MYO9B: variants seen among roughly 807,000 people sequenced by gnomAD.
MYO9B encodes the protein myosin IXB.
In MYO9B, 71 loss-of-function variants were observed where a neutral mutation model predicts 229.5. That is an observed-to-expected ratio of 0.31 (90% CI 0.26 to 0.38). The LOEUF (loss-of-function observed/expected upper bound fraction) is 0.38. Among genes scored for constraint, MYO9B ranks in the 10% least tolerant of loss-of-function variants. The pLI is 1.00. For missense variants in MYO9B, 2,255 were observed against 2,920.5 expected, an observed-to-expected ratio of 0.77 and a Z score of 5.25; for synonymous variants, 1,185 against 1,235.8, an observed-to-expected ratio of 0.96 and a Z score of 0.86.
intron 1 of MYO9B, among the ~76,000 whole-genome samples, chr19:17,093,601 A>C (rs1003800674): frequency 1.3e-5 from 2 of 151,414 alleles, no homozygotes; most frequent in Non-Finnish European, 2.9e-5. Flanking sequence ...GAACTTTTGA[A>C]TACAGAGTAA....
At chr19:17,141,406 C>T (rs1599363921) in intron 2 of MYO9B, among the ~76,000 whole-genome samples, 1 of 152,180 alleles carries the variant, frequency 6.6e-6, no homozygotes, top group Admixed American at 6.5e-5. Context: ...GCAGGGCGTG[C>T]CCCCTGCCCC....
chr19:17,078,546 T>A (rs1271979679), intron 1 of MYO9B, among the ~76,000 whole-genome samples: 2 of 151,326 alleles, frequency 1.3e-5, no homozygotes, highest in Non-Finnish European at 2.9e-5. Context: ...TCAAAAATAA[T>A]AATAATTAAA....
At chr19:17,190,975 A>G in intron 19 of MYO9B, 122 bp from the exon 20 acceptor site, 1 of 1,072,668 alleles carries the variant, frequency 9.3e-7, no homozygotes, top group Non-Finnish European at 1.3e-6. Flanking sequence ...GAAATTTTAG[A>G]TTTGTCATTA....
At chr19:17,126,887 C>T (rs1045927682) in intron 2 of MYO9B, among the ~76,000 whole-genome samples, 20 of 145,732 alleles carry the variant, frequency 1.4e-4, no homozygotes, top group Admixed American at 4.1e-4. Flanking sequence ...TGGTCTCGAA[C>T]TCCTGACCTT....
chr19:17,078,408 T>C (rs2057505593), intron 1 of MYO9B, among the ~76,000 whole-genome samples: 2 of 152,102 alleles, frequency 1.3e-5, no homozygotes, highest in African/African-American at 2.4e-5. Context: ...GGCGTGGTGA[T>C]GTGCGCCTGT....
intron 4 of MYO9B, chr19:17,152,912 C>G: frequency 1.7e-6 from 1 of 574,362 alleles, no homozygotes; most frequent in Non-Finnish European, 3.1e-6. Flanking sequence ...ACCTCCCAAG[C>G]CACCTTTGTG....
chr19:17,184,370 C>G (rs1293876501), intron 16 of MYO9B: 2 of 168,906 alleles, frequency 1.2e-5, no homozygotes, highest in African/African-American at 2.4e-5. Context: ...AAGAAATTTG[C>G]AAGAAGAGTA....
At position 17,172,753 on chromosome 19, in the gene MYO9B, C is replaced by CA. The variant is rs1568284505; in HGVS notation, c.1936-5dup. 2 of 1,613,276 alleles carry CA rather than the reference C, an allele frequency of 1.2e-6. No homozygotes were observed. Among genetic ancestry groups the CA allele is most frequent in the African/African-American group, 2.7e-5 (2 of 74,946 alleles). ...CGAGTGACCGCCCACATCCATCCCC[C>CA]ACCAGGACTTCCGGGAGAAGAACAT... On this transcript the variant is annotated splice_region_variant and splice_polypyrimidine_tract_variant and intron_variant, in intron 12 of 39. Coordinates refer to ENST00000682292, the MANE Select transcript of MYO9B (RefSeq NM_004145.4). The surrounding 1 kb of genome is among the most constrained non-coding windows in gnomAD (Gnocchi z 8.2).
intron 1 of MYO9B, among the ~76,000 whole-genome samples, chr19:17,090,751 C>T (rs1405040411): frequency 6.6e-6 from 1 of 152,046 alleles, no homozygotes; most frequent in Non-Finnish European, 1.5e-5. Flanking sequence ...TTTGGTGAGA[C>T]AATTCGGTTT....
chr19:17,104,633 C>T (rs1047404471), intron 2 of MYO9B, among the ~76,000 whole-genome samples: 1 of 151,784 alleles, frequency 6.6e-6, no homozygotes, highest in African/African-American at 2.4e-5. Flanking sequence ...ACTGTATTCC[C>T]CAGGCTGGTC....
intron 8 of MYO9B, among the ~76,000 whole-genome samples, chr19:17,160,486 A>C (rs2072586177): frequency 6.6e-6 from 1 of 151,332 alleles, no homozygotes; most frequent in African/African-American, 2.4e-5. Context: ...CATATAGATT[A>C]GACCTTAAGA....
intron 2 of MYO9B, 109 bp from the exon 3 acceptor site, chr19:17,145,284 AATAG>A: frequency 9.7e-7 from 1 of 1,029,800 alleles, no homozygotes; most frequent in Non-Finnish European, 1.4e-6. Flanking sequence ...CAAGAGAAAA[AATAG>A]ATAAATTGAA....
At chr19:17,165,746 A>G (rs1230218608) in intron 10 of MYO9B, among the ~76,000 whole-genome samples, 5 of 152,136 alleles carry the variant, frequency 3.3e-5, no homozygotes, top group South Asian at 4.1e-4. Context: ...CTGCACTCCA[A>G]TGTAGGCAAC....
chr19:17,179,716 C>T (rs1013440145), intron 14 of MYO9B, among the ~76,000 whole-genome samples: 3 of 151,448 alleles, frequency 2.0e-5, no homozygotes, highest in Admixed American at 1.3e-4. Context: ...CATGAGCCAC[C>T]GCGCCCAGCC....
chr19:17,176,927 G>A (rs868469420), intron 14 of MYO9B, among the ~76,000 whole-genome samples: 1 of 152,198 alleles, frequency 6.6e-6, no homozygotes, highest in Admixed American at 6.6e-5. Context: ...CTGGCCAGAC[G>A]TGATGGTGCA....
At chr19:17,160,786 G>A (rs907704538) in intron 8 of MYO9B, among the ~76,000 whole-genome samples, 11 of 151,976 alleles carry the variant, frequency 7.2e-5, no homozygotes, top group African/African-American at 1.4e-4. Context: ...TGCAACTTCC[G>A]CCTCCAGGGT....
chr19:17,134,381 G>GGT (rs1568267186), intron 2 of MYO9B, among the ~76,000 whole-genome samples: 10 of 46,472 alleles, frequency 2.2e-4, no homozygotes, highest in Non-Finnish European at 3.4e-4. Flanking sequence ...CGTTTTGTTT[G>GGT]TTTTTTTTTT....
intron 3 of MYO9B, among the ~76,000 whole-genome samples, chr19:17,151,791 G>A (rs778136108): frequency 9.2e-5 from 14 of 152,080 alleles, no homozygotes; most frequent in South Asian, 2.1e-4. Flanking sequence ...CCAGCCACTC[G>A]GGAGGTTGAG....
At chr19:17,150,170 G>T (rs752938441) in intron 3 of MYO9B, among the ~76,000 whole-genome samples, 1 of 152,186 alleles carries the variant, frequency 6.6e-6, no homozygotes, top group Non-Finnish European at 1.5e-5. Context: ...CAGCACTTTG[G>T]GGGAGTGATG....
Sources: allele counts gnomAD v4.1 joint callset (sites outside exome capture counted in the v4.1 genomes callset), GRCh38; gene constraint gnomAD v4.1.1; non-coding constraint Gnocchi (gnomAD v3.1); transcripts MANE v1.5; gene names NCBI Gene and HGNC (gene_info 2026-07-23, HGNC 2026-07-21).